The following F13A1 variants were observed in gnomAD, a reference collection of about 807,000 sequenced individuals.
The protein encoded by F13A1 is FSF, A subunit.
Under a neutral mutation model 80.1 loss-of-function variants are expected in F13A1, and 47 were observed. The observed-to-expected ratio is 0.59, with a 90% CI of 0.46 to 0.75. The LOEUF (loss-of-function observed/expected upper bound fraction) is 0.75, where lower values mean the gene tolerates loss of function less well. Among genes scored for constraint, F13A1 ranks in the 30% least tolerant of loss-of-function variants. The pLI is 0.00. For missense variants in F13A1, 817 were observed against 930.4 expected, an observed-to-expected ratio of 0.88 and a Z score of 1.59; for synonymous variants, 349 against 344.9, an observed-to-expected ratio of 1.01 and a Z score of -0.13.
In F13A1 at chr6:6,237,206, T is replaced by A. The variant is rs145708151; in HGVS notation, c.798+11106A>T. Among the ~76,000 whole-genome samples, 506 of 152,324 alleles carry A rather than the reference T, an allele frequency of 3.3e-3. 5 individuals are homozygous for A. The highest frequency in any genetic ancestry group is 0.011 in the African/African-American group (471 of 41,576). On this transcript the variant is annotated intron_variant, in intron 6 of 14. Transcript: ENST00000264870. ...TCACAGTTCTGGGAATGTAGAGATC[T>A]GTTTTTGTGCCTGCTCCGCCATTTG...
At chr6:6,314,881 T>C (rs1461577967) in intron 2 of F13A1, among the ~76,000 whole-genome samples, 2 of 152,206 alleles carry the variant, frequency 1.3e-5, no homozygotes, top group African/African-American at 4.8e-5. Flanking sequence ...CCTCTTAGTC[T>C]CTCAGTAACC....
Position 6,145,400 on chromosome 6 carries a change from T to A in F13A1, c.*219A>T. 5.0e-6 allele frequency: 3 copies of A among 605,526 alleles called. No individual in the cohort carries two copies. The highest frequency in any genetic ancestry group is 8.9e-6 in the Non-Finnish European group (3 of 337,990). 37.5% of individuals were successfully genotyped at this position (605,526 alleles called of 1,614,324 possible). A position where few individuals can be genotyped will look rare whatever the true frequency, so the allele number is the denominator to read the frequency against. ...AATTAAAGCTAATGCTTAGCACTCT[T>A]TGGAAGGTGGAGAGATTAAAAACTA... On this transcript the variant is annotated 3_prime_UTR_variant, in exon 15 of 15. Transcript: ENST00000264870.
chr6:6,255,207 T>A (rs548299175), intron 4 of F13A1, among the ~76,000 whole-genome samples: 1 of 152,300 alleles, frequency 6.6e-6, no homozygotes, highest in South Asian at 2.1e-4. Context: ...TGTGTTTAAG[T>A]ATTTACTTCT....
intron 3 of F13A1, among the ~76,000 whole-genome samples, chr6:6,279,864 A>G (rs1030526198): frequency 1.3e-5 from 2 of 152,234 alleles, no homozygotes; most frequent in African/African-American, 4.8e-5. Context: ...ATGTCTTCCA[A>G]ACAAAACAGG....
intron 6 of F13A1, among the ~76,000 whole-genome samples, chr6:6,244,119 T>C (rs887497876): frequency 2.0e-5 from 3 of 152,162 alleles, no homozygotes; most frequent in Non-Finnish European, 4.4e-5. Flanking sequence ...TCAGAGTCCA[T>C]GTCTGGCTTA....
At chr6:6,307,381 G>T (rs1201725388) in intron 2 of F13A1, among the ~76,000 whole-genome samples, 2 of 152,102 alleles carry the variant, frequency 1.3e-5, no homozygotes, top group Admixed American at 1.3e-4. Context: ...TAATTCTCTA[G>T]ACCTCTCTAT....
intron 8 of F13A1, chr6:6,206,366 C>T (rs1761489765): frequency 7.1e-6 from 3 of 420,896 alleles, no homozygotes; most frequent in Admixed American, 5.3e-5. Context: ...CTCTTGTAGG[C>T]AAAAATTATG....
At chr6:6,272,606 C>T (rs1249185787) in intron 3 of F13A1, among the ~76,000 whole-genome samples, 2 of 152,156 alleles carry the variant, frequency 1.3e-5, no homozygotes, top group South Asian at 2.1e-4. Flanking sequence ...GTTAGGGAAA[C>T]GAACGTAGGA....
chr6:6,181,284 C>G (rs1224465452), intron 11 of F13A1, among the ~76,000 whole-genome samples: 1 of 152,202 alleles, frequency 6.6e-6, no homozygotes, highest in Non-Finnish European at 1.5e-5. Context: ...GCACAATAAT[C>G]CTGTCACTCG....
chr6:6,199,153 C>G (rs1025222532), intron 8 of F13A1, among the ~76,000 whole-genome samples: 12 of 152,162 alleles, frequency 7.9e-5, no homozygotes, highest in African/African-American at 2.9e-4. Context: ...TTCTAAAACC[C>G]TCATGGATGT....
At position 6,221,210 on chromosome 6, in the gene F13A1, T is replaced by TC. The variant is rs1264247343; in HGVS notation, c.1112+822dup. ...CCTACTTAAACTCTTAGGATTTTTT[T>TC]CGTTTCTTCTTAGTGTATTGATTTG... On this transcript the variant is annotated intron_variant, in intron 8 of 14. Transcript: ENST00000264870. Among the ~76,000 whole-genome samples the TC allele has an allele frequency of 6.6e-5, 10 of 152,044 alleles. No homozygotes were observed. The East Asian group carries it at 1.5e-3, about 23-fold the overall frequency.
chr6:6,230,918 T>C (rs779122009), intron 6 of F13A1, among the ~76,000 whole-genome samples: 2 of 152,178 alleles, frequency 1.3e-5, no homozygotes, highest in Non-Finnish European at 2.9e-5. Flanking sequence ...GAACATCCCA[T>C]GGGACAAAAT....
At chr6:6,288,335 C>G (rs1240008513) in intron 3 of F13A1, among the ~76,000 whole-genome samples, 1 of 152,166 alleles carries the variant, frequency 6.6e-6, no homozygotes. Flanking sequence ...ATTCCTTGCC[C>G]CCAAGCCCCA....
At chr6:6,294,197 T>C (rs185678087) in intron 3 of F13A1, among the ~76,000 whole-genome samples, 162 of 152,268 alleles carry the variant, frequency 1.1e-3, no homozygotes, top group Non-Finnish European at 2.1e-3. Flanking sequence ...ATCCTAGGTG[T>C]TGCCAAAAGA....
intron 13 of F13A1, among the ~76,000 whole-genome samples, chr6:6,154,018 A>G (rs1760430022): frequency 1.3e-5 from 2 of 152,144 alleles, no homozygotes; most frequent in South Asian, 2.1e-4. Flanking sequence ...GTGGGATTGA[A>G]GTTAAAGTCT....
At chr6:6,311,522 C>CAAA (rs36187372) in intron 2 of F13A1, among the ~76,000 whole-genome samples, 116 of 142,954 alleles carry the variant, frequency 8.1e-4, no homozygotes, top group Middle Eastern at 7.2e-3. Flanking sequence ...AAACCTAAGT[C>CAAA]AAAAAAAAAA....
Position 6,145,264 on chromosome 6 carries a change from G to T in F13A1, c.*355C>A, listed in dbSNP as rs1263351882. ...GGGAATCTGAAGTCTTGTTTTAAATGAGGCCAGGTATTGAGCAAATCTCCC... is the reference window on the plus strand; with the variant it reads ...GGGAATCTGAAGTCTTGTTTTAAATTAGGCCAGGTATTGAGCAAATCTCCC... On this transcript the variant is annotated 3_prime_UTR_variant, in exon 15 of 15. Transcript: ENST00000264870. 1.3e-4 allele frequency: 39 copies of T among 307,474 alleles called. No individual in the cohort carries two copies. The highest frequency in any genetic ancestry group is 1.3e-3 in the South Asian group (39 of 31,034). The allele number at this position is 307,474 out of a possible 1,614,324, so 19.0% of individuals were successfully genotyped here.
chr6:6,267,846 C>T (rs1027989140), intron 3 of F13A1, among the ~76,000 whole-genome samples: 2 of 152,182 alleles, frequency 1.3e-5, no homozygotes, highest in African/African-American at 4.8e-5. Context: ...CTCTTTGTAC[C>T]TGTTATGTGC....
chr6:6,242,110 G>A (rs927264715), intron 6 of F13A1, among the ~76,000 whole-genome samples: 4 of 152,030 alleles, frequency 2.6e-5, no homozygotes, highest in Non-Finnish European at 5.9e-5. Context: ...ATGGACAAAG[G>A]GAAAATAACT....
Sources: gnomAD v4.1 joint callset for allele counts (sites outside exome capture counted in the v4.1 genomes callset) on GRCh38, gnomAD v4.1.1 for gene constraint, MANE v1.5 for transcripts, NCBI Gene and HGNC (gene_info 2026-07-23, HGNC 2026-07-21) for gene names.